Variants in NIPBL observed in about 807,000 individuals in gnomAD.
The protein encoded by NIPBL is nipped-B-like protein.
A neutral mutation model predicts 321.8 loss-of-function variants in NIPBL; 19 were observed. That is an observed-to-expected ratio of 0.06 (90% CI 0.04 to 0.09). NIPBL has a LOEUF of 0.09. Ranked by LOEUF, NIPBL falls within the 10% of genes least tolerant of loss-of-function variation. NIPBL has a pLI of 1.00. For missense variants in NIPBL, 2,210 were observed against 3,327.0 expected (o/e 0.66, Z 8.26); for synonymous variants, 1,106 against 1,114.1 (o/e 0.99, Z 0.14).
chr5:36,957,305 T>C (rs185033578), intron 3 of NIPBL, among the ~76,000 whole-genome samples: 2 of 152,340 alleles, frequency 1.3e-5, no homozygotes, highest in African/African-American at 4.8e-5. Flanking sequence ...GAGAAAGCAA[T>C]GTAAGATGGA....
chr5:37,031,175 G>A (rs1011499448), intron 32 of NIPBL, among the ~76,000 whole-genome samples: 7 of 151,828 alleles, frequency 4.6e-5, no homozygotes, highest in Non-Finnish European at 8.8e-5. Flanking sequence ...TAGTAGAGAC[G>A]GGGTTTCACC....
chr5:37,043,504 G>C (rs1454400422), intron 34 of NIPBL, among the ~76,000 whole-genome samples: 4 of 150,516 alleles, frequency 2.7e-5, no homozygotes, highest in Non-Finnish European at 5.9e-5. Flanking sequence ...TCCAGCCTGG[G>C]CAACAGAGCA....
chr5:37,055,223 C>T (rs1753972493), intron 42 of NIPBL, among the ~76,000 whole-genome samples: 1 of 152,002 alleles, frequency 6.6e-6, no homozygotes, highest in Non-Finnish European at 1.5e-5. Flanking sequence ...TGATGGCGCG[C>T]ACCTGTAGTC....
At chr5:36,892,245 C>G (rs1746387497) in intron 1 of NIPBL, among the ~76,000 whole-genome samples, 1 of 152,174 alleles carries the variant, frequency 6.6e-6, no homozygotes, top group South Asian at 2.1e-4. Context: ...AAGATACCAT[C>G]TCACACCAGT....
At chr5:36,982,149 T>C in intron 9 of NIPBL, 1 of 756,796 alleles carries the variant, frequency 1.3e-6, no homozygotes, top group South Asian at 6.0e-5. Context: ...AATCCTTTTG[T>C]ATGCATTTTC....
intron 15 of NIPBL, among the ~76,000 whole-genome samples, chr5:37,003,009 A>AG (rs937679581): frequency 1.3e-5 from 2 of 151,092 alleles, no homozygotes; most frequent in Admixed American, 6.6e-5. Flanking sequence ...TTTTTTCCAG[A>AG]GTTTTTTTTT....
At chr5:36,922,308 A>G (rs1749009506) in intron 1 of NIPBL, among the ~76,000 whole-genome samples, 1 of 152,122 alleles carries the variant, frequency 6.6e-6, no homozygotes. Flanking sequence ...GATTTTTATC[A>G]TAATTTTTAT....
intron 38 of NIPBL, among the ~76,000 whole-genome samples, chr5:37,046,464 C>T (rs1752989555): frequency 1.3e-5 from 2 of 152,204 alleles, no homozygotes; most frequent in African/African-American, 2.4e-5. Flanking sequence ...TTTCTTCTAC[C>T]CCTCCTCCAT....
intron 9 of NIPBL, 101 bp downstream of exon 9, chr5:36,976,503 A>G (rs1743472624): frequency 1.7e-6 from 2 of 1,146,408 alleles, no homozygotes; most frequent in Non-Finnish European, 2.5e-6. Flanking sequence ...TATTTTGTAT[A>G]ATTTATGTCT....
chr5:36,999,242 G>A (rs1161049537), intron 11 of NIPBL, among the ~76,000 whole-genome samples: 2 of 152,142 alleles, frequency 1.3e-5, no homozygotes, highest in Non-Finnish European at 2.9e-5. Context: ...CAAAACATTT[G>A]TCTTAAGTAT....
intron 1 of NIPBL, among the ~76,000 whole-genome samples, chr5:36,946,230 A>C (rs755940128): frequency 1.3e-5 from 2 of 151,964 alleles, no homozygotes; most frequent in Non-Finnish European, 2.9e-5. Context: ...GTCTGACCTT[A>C]GTTCTTAGCA....
intron 9 of NIPBL, among the ~76,000 whole-genome samples, chr5:36,981,008 G>A (rs1394512178): frequency 6.6e-6 from 1 of 151,666 alleles, no homozygotes; most frequent in Non-Finnish European, 1.5e-5. Context: ...GCCCTTAAGA[G>A]ATGAAATACT....
At chr5:36,999,341 G>A (rs1467830598) in intron 11 of NIPBL, among the ~76,000 whole-genome samples, 1 of 152,170 alleles carries the variant, frequency 6.6e-6, no homozygotes, top group Non-Finnish European at 1.5e-5. Flanking sequence ...AGCAACAAGT[G>A]ATCACAACAA....
At chr5:37,050,659 T>A (rs1478906096) in intron 40 of NIPBL, among the ~76,000 whole-genome samples, 1 of 152,164 alleles carries the variant, frequency 6.6e-6, no homozygotes, top group African/African-American at 2.4e-5. Context: ...TAATTATGAT[T>A]CTTTACCACT....
intron 10 of NIPBL, among the ~76,000 whole-genome samples, chr5:36,992,377 T>C (rs1745626755): frequency 6.6e-6 from 1 of 152,220 alleles, no homozygotes; most frequent in Non-Finnish European, 1.5e-5. Context: ...TACTAAGAGA[T>C]AGCAAGACTT....
rs1258743433 is a variant in NIPBL, at chr5:36,988,984, T to C, written c.3121+2683T>C. ...ATTTGATTTGATTTCTGTGGCACTA[T>C]ATCTGTATCCCTAGTACCTAACAAA... On this transcript the variant is annotated intron_variant, in intron 10 of 46. Transcript: ENST00000282516. 7.2e-5 allele frequency among the ~76,000 whole-genome samples: 11 copies of C among 152,348 alleles called. No homozygotes were observed. The East Asian group carries it at 2.1e-3, about 29-fold the overall frequency.
rs150869722 is a variant in NIPBL at position 37,035,380 on chromosome 5, CTTTA to C, written c.5863-991_5863-988del. ...AAACCTAGTACATTGAAGCTGTCTG[CTTTA>C]TTTATTTCTTCAAATTGGAGGAAAA... On this transcript the variant is annotated intron_variant, in intron 32 of 46. Transcript: ENST00000282516. 3.0e-4 allele frequency among the ~76,000 whole-genome samples: 46 copies of C among 152,248 alleles called. No homozygotes were observed. In the East Asian group the frequency reaches 8.7e-3, roughly 29 times the overall value.
chr5:36,934,113 A>G (rs911217313), intron 1 of NIPBL, among the ~76,000 whole-genome samples: 4 of 152,248 alleles, frequency 2.6e-5, no homozygotes, highest in East Asian at 1.9e-4. Context: ...CTCAGCATCC[A>G]GATTTCACAC....
intron 30 of NIPBL, 44 bp downstream of exon 30, chr5:37,024,763 A>G: frequency 1.3e-6 from 2 of 1,484,712 alleles, no homozygotes; most frequent in Non-Finnish European, 1.9e-6. Context: ...AATGTTTAAA[A>G]TAAGTTAAAT....
Sources: allele counts gnomAD v4.1 joint callset (sites outside exome capture counted in the v4.1 genomes callset), GRCh38; gene constraint gnomAD v4.1.1; transcripts MANE v1.5; gene names NCBI Gene and HGNC (gene_info 2026-07-23, HGNC 2026-07-21).